Variants in BAHCC1 observed in about 807,000 individuals in gnomAD.
BAHCC1 encodes BAH and coiled-coil domain-containing protein 1.
In BAHCC1, 43 loss-of-function variants were observed where a neutral mutation model predicts 88.2. The observed-to-expected ratio is 0.49, with a 90% CI of 0.38 to 0.63. The LOEUF (loss-of-function observed/expected upper bound fraction) is 0.63. BAHCC1 is among the 20% of genes least tolerant of loss of function. The pLI, the probability that BAHCC1 is intolerant of heterozygous loss-of-function variation, is 0.00. For synonymous variants in BAHCC1, 1,510 were observed against 745.5 expected, an observed-to-expected ratio of 2.03 and a Z score of -16.71; for missense variants, 3,023 against 1,654.8, an observed-to-expected ratio of 1.83 and a Z score of -14.34.
chr17:81,422,011 G>A (rs1354968791), intron 2 of BAHCC1: 7 of 249,956 alleles, frequency 2.8e-5, no homozygotes, highest in Admixed American at 8.1e-5. Context: ...GCTTCCTCTC[G>A]TGATTTTTTT....
At chr17:81,426,076 TGGTGATGTGGTTGGTGGTGATAGTGGTG>T (rs2064192563) in intron 2 of BAHCC1, among the ~76,000 whole-genome samples, 1 of 44,224 alleles carries the variant, frequency 2.3e-5, no homozygotes, top group Non-Finnish European at 5.0e-5. Context: ...ATGTGGTTGG[TGGTGATGTGGTTGGTGGTGATAGTGGTG>T]GGTGATGTGG....
rs2063860971 is a variant in BAHCC1 at position 81,404,927 on chromosome 17, G to GC, written c.178+5012dup. Among the ~76,000 whole-genome samples the GC allele has an allele frequency of 1.3e-5, 2 of 152,188 alleles. 1 individual carries two copies. On this transcript the variant is annotated intron_variant, in intron 2 of 27. Coordinates refer to ENST00000675386, the MANE Select transcript of BAHCC1 (RefSeq NM_001377448.1). ...TCATCCTGGGTGGTTTGGTTGGGGT[G>GC]CCTCCTCTCTGCGGACTTTTTAGGT...
In BAHCC1 at chr17:81,458,477, G is replaced by A; in HGVS notation, c.5343+11G>A. Reference sequence around the variant, plus strand: ...CAGCCAGTGCTGCGGGTGAGGCTGGGCTCTGGGGTGCTGGGCGGAGAGGGT... The same window carrying A: ...CAGCCAGTGCTGCGGGTGAGGCTGGACTCTGGGGTGCTGGGCGGAGAGGGT... On this transcript the variant is annotated intron_variant, in intron 18 of 27. Coordinates refer to ENST00000675386, the MANE Select transcript of BAHCC1 (RefSeq NM_001377448.1). 1.4e-6 allele frequency: 1 copy of A among 695,230 alleles called. No individual in the cohort carries two copies. Among genetic ancestry groups the A allele is most frequent in the East Asian group, 2.6e-5 (1 of 38,696 alleles). 43.1% of individuals were successfully genotyped at this position (695,230 alleles called of 1,614,324 possible).
intron 3 of BAHCC1, among the ~76,000 whole-genome samples, chr17:81,432,719 C>T (rs1228233478): frequency 1.8e-5 from 1 of 55,442 alleles, no homozygotes; most frequent in African/African-American, 9.4e-5. Flanking sequence ...CCACCCTCCC[C>T]GCCATCCCCA....
At chr17:81,413,080 A>G (rs1555648069) in intron 2 of BAHCC1, 2 of 436,986 alleles carry the variant, frequency 4.6e-6, no homozygotes, top group East Asian at 8.2e-5. Context: ...CCAATTACAT[A>G]AAGGTGAACA....
At chr17:81,445,927 C>T (rs1353837010) in intron 10 of BAHCC1, among the ~76,000 whole-genome samples, 4 of 152,374 alleles carry the variant, frequency 2.6e-5, no homozygotes, top group Middle Eastern at 3.4e-3. Flanking sequence ...GGGAGGAAGA[C>T]GGGGTCCCGC....
chr17:81,456,069 G>T, intron 15 of BAHCC1: 1 of 534,704 alleles, frequency 1.9e-6, no homozygotes, highest in Middle Eastern at 4.8e-4. Context: ...CCCTACGTGG[G>T]GTGGGCAGTT....
intron 3 of BAHCC1, among the ~76,000 whole-genome samples, chr17:81,433,193 A>G (rs1312034237): frequency 6.6e-6 from 1 of 151,834 alleles, no homozygotes; most frequent in African/African-American, 2.4e-5. Flanking sequence ...CTCCAGCTCC[A>G]AGAACGAATC....
chr17:81,462,955 C>A lies in BAHCC1; in HGVS notation c.7599C>A (p.Gly2533=). The change falls in exon 27 of 28, where the codon GGC becomes GGA. Residue 2533 remains glycine, a synonymous_variant. Transcript: ENST00000675386. ...WFYHPEETKL[G]KRQCDGKNAL... ...ACCACCCTGAGGAGACCAAGCTGGG[C>A]AAGAGGCAGTGCGACGGCAAGGTGA... 1.3e-6 allele frequency: 1 copy of A among 781,340 alleles called. No individual in the cohort carries two copies. 48.4% of individuals were successfully genotyped at this position (781,340 alleles called of 1,614,324 possible). A position where few individuals can be genotyped will look rare whatever the true frequency, so the allele number is the denominator to read the frequency against.
intron 2 of BAHCC1, chr17:81,422,793 C>T: frequency 4.5e-6 from 2 of 442,746 alleles, no homozygotes; most frequent in Non-Finnish European, 9.1e-6. Context: ...TGCTTCCCAC[C>T]ATCCCGAGGA....
intron 10 of BAHCC1, chr17:81,446,828 C>T (rs1452668571): frequency 1.5e-6 from 1 of 681,832 alleles, no homozygotes; most frequent in Admixed American, 2.0e-5. Context: ...TTTGGGATTA[C>T]AGGTGTGAGC....
Position 81,443,338 on chromosome 17 carries a change from C to G in BAHCC1, c.1989C>G (p.Ile663Met), listed in dbSNP as rs2064459903. 3 of 778,958 alleles carry G rather than the reference C, an allele frequency of 3.9e-6. No homozygotes were observed. The highest frequency in any genetic ancestry group is 7.2e-6 in the Non-Finnish European group (3 of 417,700). 48.3% of individuals were successfully genotyped at this position (778,958 alleles called of 1,614,324 possible). A position where few individuals can be genotyped will look rare whatever the true frequency, so the allele number is the denominator to read the frequency against. The change falls in exon 5 of 28, where the codon ATC becomes ATG. Residue 663 changes from isoleucine to methionine, a missense_variant. Coordinates refer to ENST00000675386, the MANE Select transcript of BAHCC1 (RefSeq NM_001377448.1). ...TGGGTGGCCTCAAGGCCAGCTGCAT[C>G]CAGCAGGAAGCAAAGTTCCTGTCCT... is the stretch of plus-strand genomic sequence containing the variant. ...VGLGGLKASC[I>M]QQEAKFLSSK...
chr17:81,429,110 G>A (rs1378618430), intron 3 of BAHCC1, among the ~76,000 whole-genome samples: 2 of 152,210 alleles, frequency 1.3e-5, no homozygotes, highest in African/African-American at 4.8e-5. Context: ...CGCATCTCCC[G>A]CTGTCCGTGT....
At position 81,464,115 on chromosome 17, in the gene BAHCC1, G is replaced by A. The variant is rs1248414427; in HGVS notation, c.*298G>A. The A allele has an allele frequency of 2.0e-6, 1 of 504,160 alleles. No homozygotes were observed. Among genetic ancestry groups the A allele is most frequent in the Non-Finnish European group, 3.6e-6 (1 of 277,818 alleles). The allele number at this position is 504,160 out of a possible 1,614,324, so 31.2% of individuals were successfully genotyped here. On this transcript the variant is annotated 3_prime_UTR_variant, in exon 28 of 28. Coordinates refer to ENST00000675386, the MANE Select transcript of BAHCC1 (RefSeq NM_001377448.1). ...TTTCCCGCACCGGCAGTTCACGGGA[G>A]ATTTGAATCCAAGCCATATTCCCTA...
At position 81,466,273 on chromosome 17, in the gene BAHCC1, G is replaced by A. The variant is rs544969778; in HGVS notation, c.*2456G>A. The A allele has an allele frequency of 5.9e-4, 90 of 152,662 alleles. No homozygotes were observed. Among genetic ancestry groups the A allele is most frequent in the African/African-American group, 2.0e-3 (85 of 41,540 alleles). 9.5% of individuals were successfully genotyped at this position (152,662 alleles called of 1,614,324 possible). ...GCAGACTCTATGTAAAGGCATTTTAGTATCAAATTTTTTATTGATAACTTG... is the reference window on the plus strand; with the variant it reads ...GCAGACTCTATGTAAAGGCATTTTAATATCAAATTTTTTATTGATAACTTG... On this transcript the variant is annotated 3_prime_UTR_variant, in exon 28 of 28. Transcript: ENST00000675386.
chr17:81,438,528 A>G (rs1555652083), intron 4 of BAHCC1, 36 bp downstream of exon 4: 2 of 747,068 alleles, frequency 2.7e-6, no homozygotes, highest in Admixed American at 3.7e-5. Context: ...GGGAGCAGGC[A>G]TGCTGGAGGT....
chr17:81,427,688 GGCCACCCCAACCCTACA>G, intron 3 of BAHCC1, among the ~76,000 whole-genome samples: 1 of 152,138 alleles, frequency 6.6e-6, no homozygotes, highest in East Asian at 1.9e-4. Flanking sequence ...GTATTCCCTC[GGCCACCCCAACCCTACA>G]GCGTGGGAAG....
intron 2 of BAHCC1, among the ~76,000 whole-genome samples, chr17:81,425,057 TGGTGGTGATGTGGTTGGTG>T: frequency 7.7e-6 from 1 of 129,502 alleles, no homozygotes; most frequent in Non-Finnish European, 1.6e-5. Context: ...GTGATGTGGT[TGGTGGTGATGTGGTTGGTG>T]GGTGATGTGG....
chr17:81,429,999 T>C (rs1467504667), intron 3 of BAHCC1, among the ~76,000 whole-genome samples: 1 of 152,180 alleles, frequency 6.6e-6, no homozygotes, highest in African/African-American at 2.4e-5. Context: ...GCAGAGCCTG[T>C]CTGTTCAGCT....
Sources: allele counts gnomAD v4.1 joint callset (sites outside exome capture counted in the v4.1 genomes callset), GRCh38; gene constraint gnomAD v4.1.1; transcripts MANE v1.5; gene names NCBI Gene and HGNC (gene_info 2026-07-23, HGNC 2026-07-21).